Variants in NEDD4 observed in about 807,000 individuals in gnomAD.
The protein encoded by NEDD4 is NEDD4 E3 ubiquitin protein ligase, also known as E3 ubiquitin-protein ligase NEDD4.
Under a neutral mutation model 144.9 loss-of-function variants are expected in NEDD4, and 99 were observed. The ratio of observed to expected loss-of-function variants is 0.68; its 90% CI spans 0.58 to 0.81. NEDD4 has a LOEUF of 0.81. NEDD4 is among the 30% of genes least tolerant of loss of function. The probability of loss-of-function intolerance (pLI) is 0.00; values close to 1 mark genes in which losing one functional copy is unlikely to be tolerated. For missense variants in NEDD4, 985 were observed against 1,065.9 expected (o/e 0.92, Z 1.06); for synonymous variants, 318 against 350.6 (o/e 0.91, Z 1.04).
intron 5 of NEDD4, among the ~76,000 whole-genome samples, chr15:55,906,429 A>G (rs1266972025): frequency 2.6e-5 from 4 of 152,190 alleles, no homozygotes; most frequent in African/African-American, 9.7e-5. Flanking sequence ...TGGCACATAT[A>G]CACCATGGAA....
chr15:55,846,230 A>G lies in NEDD4; in HGVS notation c.1608+739T>C, dbSNP rs559282208. Reference sequence around the variant, plus strand: ...GAAACTCTGAGGTGGCCCACCCACCATCTTGAATATTTGTGAAAGCCAGCT... The same window carrying G: ...GAAACTCTGAGGTGGCCCACCCACCGTCTTGAATATTTGTGAAAGCCAGCT... On this transcript the variant is annotated intron_variant, in intron 18 of 28. Coordinates refer to ENST00000435532, the MANE Select transcript of NEDD4 (RefSeq NM_006154.4). 1.1e-4 allele frequency among the ~76,000 whole-genome samples: 16 copies of G among 152,334 alleles called. No homozygotes were observed. In the South Asian group the frequency reaches 2.5e-3, roughly 24 times the overall value.
At chr15:55,913,839 T>G (rs1293075172) in intron 5 of NEDD4, among the ~76,000 whole-genome samples, 1 of 152,028 alleles carries the variant, frequency 6.6e-6, no homozygotes, top group Admixed American at 6.5e-5. Flanking sequence ...TATTTCTACA[T>G]GAATTATTCC....
At chr15:55,866,836 A>C (rs1485134526) in intron 8 of NEDD4, among the ~76,000 whole-genome samples, 1 of 152,230 alleles carries the variant, frequency 6.6e-6, no homozygotes, top group Non-Finnish European at 1.5e-5. Flanking sequence ...GCCTCTATAC[A>C]GTCAATTTTT....
chr15:55,928,184 AT>A (rs1228963370), intron 4 of NEDD4, among the ~76,000 whole-genome samples: 1 of 151,760 alleles, frequency 6.6e-6, no homozygotes, highest in Non-Finnish European at 1.5e-5. Flanking sequence ...TAATTTTTGT[AT>A]TTTTTTAGTA....
At position 55,911,158 on chromosome 15, in the gene NEDD4, T is replaced by C. The variant is rs960681711; in HGVS notation, c.291+13488A>G. On this transcript the variant is annotated intron_variant, in intron 5 of 28. Transcript: ENST00000435532. ...CAGTGACTCTCAACAGGGGACAATTTTGCCCCTAGGGGACATCTGGCAATG... is the reference window on the plus strand; with the variant it reads ...CAGTGACTCTCAACAGGGGACAATTCTGCCCCTAGGGGACATCTGGCAATG... Among the ~76,000 whole-genome samples, 13 of 152,116 alleles carry C rather than the reference T, an allele frequency of 8.5e-5. 1 individual carries two copies. The highest frequency in any genetic ancestry group is 1.5e-4 in the Non-Finnish European group (10 of 68,030).
At chr15:55,958,634 C>A (rs1367825937) in intron 2 of NEDD4, among the ~76,000 whole-genome samples, 1 of 151,932 alleles carries the variant, frequency 6.6e-6, no homozygotes, top group Non-Finnish European at 1.5e-5. Context: ...GTGGGAAGGA[C>A]AAATTCAATT....
intron 5 of NEDD4, among the ~76,000 whole-genome samples, chr15:55,923,894 T>C (rs1295494444): frequency 6.6e-6 from 1 of 152,100 alleles, no homozygotes; most frequent in Non-Finnish European, 1.5e-5. Context: ...GTTTAATTTT[T>C]CTGGTGCTTG....
chr15:55,920,874 CA>C (rs78910147), intron 5 of NEDD4, among the ~76,000 whole-genome samples: 21,955 of 152,100 alleles, frequency 0.14, 1,718 homozygotes, highest in East Asian at 0.35. Flanking sequence ...AGCAACAAAT[CA>C]AGAGGACTAG....
At chr15:55,903,845 C>CATATATATAT (rs34829007) in intron 5 of NEDD4, among the ~76,000 whole-genome samples, 2 of 122,324 alleles carry the variant, frequency 1.6e-5, no homozygotes, top group African/African-American at 6.3e-5. Flanking sequence ...AAAAAACACA[C>CATATATATAT]ATATATATAT....
At chr15:55,980,513 A>T (rs1466339073) in intron 1 of NEDD4, among the ~76,000 whole-genome samples, 2 of 152,232 alleles carry the variant, frequency 1.3e-5, no homozygotes, top group Admixed American at 1.3e-4. Context: ...GAGAGGCTCC[A>T]GTCAACAGTA....
At chr15:55,850,805 T>A in intron 13 of NEDD4, 63 bp from the exon 14 acceptor site, 1 of 1,445,562 alleles carries the variant, frequency 6.9e-7, no homozygotes, top group Non-Finnish European at 9.3e-7. Context: ...TAGATGTAGT[T>A]AAAAAGGTAA....
chr15:55,849,677 TTATA>T (rs2033899757), intron 14 of NEDD4, among the ~76,000 whole-genome samples: 1 of 150,554 alleles, frequency 6.6e-6, no homozygotes, highest in Non-Finnish European at 1.5e-5. Flanking sequence ...TTGGTTTAAT[TTATA>T]TATATTATTT....
intron 6 of NEDD4, among the ~76,000 whole-genome samples, chr15:55,873,696 C>T (rs565641139): frequency 1.4e-5 from 1 of 70,538 alleles, no homozygotes; most frequent in South Asian, 4.9e-4. Flanking sequence ...TATTTTCAAA[C>T]TAATCTTTTT....
chr15:55,832,369 T>C (rs949430923), intron 27 of NEDD4, among the ~76,000 whole-genome samples: 6 of 152,274 alleles, frequency 3.9e-5, no homozygotes, highest in Admixed American at 3.9e-4. Context: ...CTTAGTAACA[T>C]TCTGTGAAAC....
intron 4 of NEDD4, among the ~76,000 whole-genome samples, chr15:55,934,082 G>A (rs1235682572): frequency 1.3e-5 from 2 of 152,176 alleles, no homozygotes; most frequent in African/African-American, 4.8e-5. Flanking sequence ...GAACCCAGGA[G>A]GTGGAGGTTG....
intron 1 of NEDD4, among the ~76,000 whole-genome samples, chr15:55,977,100 T>C (rs1356500858): frequency 6.6e-6 from 1 of 152,218 alleles, no homozygotes; most frequent in Non-Finnish European, 1.5e-5. Flanking sequence ...AGATTATTTA[T>C]TTTAACCTTC....
At chr15:55,905,866 T>C (rs2036073340) in intron 5 of NEDD4, among the ~76,000 whole-genome samples, 1 of 152,222 alleles carries the variant, frequency 6.6e-6, no homozygotes, top group Non-Finnish European at 1.5e-5. Context: ...GTGCAGAAGC[T>C]CTTTAGTTTA....
At chr15:55,946,275 A>G (rs1384647994) in intron 4 of NEDD4, among the ~76,000 whole-genome samples, 1 of 152,204 alleles carries the variant, frequency 6.6e-6, no homozygotes, top group Non-Finnish European at 1.5e-5. Context: ...ATGTGCAGAG[A>G]CACACATAGG....
intron 4 of NEDD4, among the ~76,000 whole-genome samples, chr15:55,926,229 T>C (rs982353091): frequency 1.3e-5 from 2 of 152,160 alleles, no homozygotes; most frequent in African/African-American, 4.8e-5. Flanking sequence ...AATATGTCTA[T>C]CTAGAAATGT....
Sources: allele counts gnomAD v4.1 joint callset (sites outside exome capture counted in the v4.1 genomes callset), GRCh38; gene constraint gnomAD v4.1.1; transcripts MANE v1.5; gene names NCBI Gene and HGNC (gene_info 2026-07-23, HGNC 2026-07-21).